Variants in PDGFRL observed in about 807,000 individuals in gnomAD.
PDGFRL encodes the protein platelet-derived growth factor receptor-like protein.
In PDGFRL, 46 loss-of-function variants were observed where a neutral mutation model predicts 37.2. The observed-to-expected ratio is 1.24, with a 90% CI of 0.98 to 1.58. PDGFRL has a LOEUF of 1.58. PDGFRL is among the 40% of genes most tolerant of loss of function. The pLI is 0.00. For missense variants in PDGFRL, 692 were observed against 467.6 expected, an observed-to-expected ratio of 1.48 and a Z score of -4.43; for synonymous variants, 251 against 184.3, an observed-to-expected ratio of 1.36 and a Z score of -2.93.
rs184412178 is a variant in PDGFRL, at chr8:17,588,667, C to T, written c.56-801C>T. 1.3e-3 allele frequency among the ~76,000 whole-genome samples: 202 copies of T among 152,198 alleles called. 2 individuals are homozygous for T. In the South Asian group the frequency reaches 0.022, roughly 16 times the overall value. On this transcript the variant is annotated intron_variant, in intron 1 of 5. Transcript: ENST00000251630. ...CAGCCTGGGTGACAGAGTGAGATTC[C>T]GTTTCTAACGTTAAACACAAAATAT... is the stretch of plus-strand genomic sequence containing the variant.
intron 2 of PDGFRL, among the ~76,000 whole-genome samples, chr8:17,613,190 G>A (rs931494433): frequency 7.9e-5 from 12 of 152,244 alleles, no homozygotes; most frequent in Middle Eastern, 3.4e-3. Flanking sequence ...ATTGTTGGGC[G>A]TATTTTAAGG....
chr8:17,585,774 A>AT (rs1364406984), intron 1 of PDGFRL, among the ~76,000 whole-genome samples: 4 of 152,132 alleles, frequency 2.6e-5, no homozygotes, highest in African/African-American at 9.7e-5. Flanking sequence ...CTTCTAATGA[A>AT]TTTATTTTCT....
intron 2 of PDGFRL, among the ~76,000 whole-genome samples, chr8:17,594,482 C>T (rs529184308): frequency 9.1e-4 from 138 of 152,230 alleles, no homozygotes; most frequent in Non-Finnish European, 1.5e-3. Context: ...CTCAACTGAT[C>T]TGTCTGCCTC....
chr8:17,584,653 T>C (rs1475310530), intron 1 of PDGFRL, among the ~76,000 whole-genome samples: 1 of 151,912 alleles, frequency 6.6e-6, no homozygotes, highest in Non-Finnish European at 1.5e-5. Flanking sequence ...TAACAGGTGT[T>C]GTGGAAAATA....
intron 1 of PDGFRL, among the ~76,000 whole-genome samples, chr8:17,582,874 A>G (rs1157407485): frequency 6.6e-6 from 1 of 152,100 alleles, no homozygotes; most frequent in African/African-American, 2.4e-5. Flanking sequence ...GGAGAATAGA[A>G]TGGTTTTGGG....
At chr8:17,633,932 C>A in intron 4 of PDGFRL, 142 bp from the exon 5 acceptor site, 1 of 848,740 alleles carries the variant, frequency 1.2e-6, no homozygotes, top group Non-Finnish European at 2.0e-6. Context: ...AAGTTGTGGG[C>A]TCACACTGTC....
intron 5 of PDGFRL, among the ~76,000 whole-genome samples, chr8:17,639,970 TC>T (rs1461713199): frequency 6.6e-6 from 1 of 152,190 alleles, no homozygotes; most frequent in Non-Finnish European, 1.5e-5. Context: ...CTTTGTTCAT[TC>T]TTTTAAATTC....
At chr8:17,585,342 C>G (rs1803792431) in intron 1 of PDGFRL, among the ~76,000 whole-genome samples, 1 of 151,974 alleles carries the variant, frequency 6.6e-6, no homozygotes, top group Non-Finnish European at 1.5e-5. Context: ...CTTATTTTAC[C>G]CAGCCCCTAT....
intron 5 of PDGFRL, among the ~76,000 whole-genome samples, chr8:17,635,785 ATTATTTTTTAATTT>A (rs1357576357): frequency 1.3e-5 from 2 of 152,124 alleles, no homozygotes; most frequent in Admixed American, 1.3e-4. Context: ...GCCAACATCG[ATTATTTTTTAATTT>A]TTAAATTATG....
In PDGFRL at chr8:17,642,772, A is replaced by G. The variant is rs1405044872; in HGVS notation, c.1099A>G (p.Thr367Ala). 3.7e-6 allele frequency: 6 copies of G among 1,609,646 alleles called. No homozygotes were observed. The highest frequency in any genetic ancestry group is 5.1e-6 in the Non-Finnish European group (6 of 1,176,324). Residue 367 changes from threonine to alanine, a missense_variant, in exon 6 of 6, where the codon ACA becomes GCA. Thr to Ala is a moderately conservative substitution (Grantham distance 58). Transcript: ENST00000251630. Reference sequence around the variant, plus strand: ...TGCTCAGAATCTTCAAGGACAGACCACAGTAGCTACCACTGTTGAGTTTTC... The same window carrying G: ...TGCTCAGAATCTTCAAGGACAGACCGCAGTAGCTACCACTGTTGAGTTTTC... ...CTAQNLQGQT[T>A]VATTVEFS
At chr8:17,619,875 C>T (rs553911340) in intron 2 of PDGFRL, among the ~76,000 whole-genome samples, 1 of 152,322 alleles carries the variant, frequency 6.6e-6, no homozygotes, top group South Asian at 2.1e-4. Context: ...TTACATTCTC[C>T]AAGAAGAGGA....
intron 2 of PDGFRL, among the ~76,000 whole-genome samples, chr8:17,602,600 G>T (rs1804189713): frequency 6.6e-6 from 1 of 152,138 alleles, no homozygotes; most frequent in Admixed American, 6.5e-5. Flanking sequence ...GCTTTGCGTG[G>T]AAAGTGGTTG....
chr8:17,608,042 T>A (rs930678635), intron 2 of PDGFRL, among the ~76,000 whole-genome samples: 2 of 152,156 alleles, frequency 1.3e-5, no homozygotes, highest in African/African-American at 4.8e-5. Flanking sequence ...CAGAACCTTC[T>A]CTTGTCACTT....
In PDGFRL at chr8:17,589,510, C is replaced by A; in HGVS notation, c.98C>A (p.Pro33Gln). Residue 33 changes from proline (P) to glutamine (Q), a missense_variant, in exon 2 of 6, where the codon CCA becomes CAA. By Grantham distance (76) the Pro-to-Gln change is moderately conservative. Coordinates refer to ENST00000251630, the MANE Select transcript of PDGFRL (RefSeq NM_001372073.1). ...CCCAAGAACAAGCGTCCAAAAGAAC[C>A]AGGAGAGAATAGAATCAAACCTACC... is the stretch of plus-strand genomic sequence containing the variant. ...HLPKNKRPKE[P>Q]GENRIKPTNK... The A allele has an allele frequency of 1.9e-6, 3 of 1,613,898 alleles. No homozygotes were observed. The highest frequency in any genetic ancestry group is 1.7e-6 in the Non-Finnish European group (2 of 1,179,818).
In PDGFRL at chr8:17,599,267, C is replaced by T. The variant is rs75898297; in HGVS notation, c.353+9502C>T. 6.1e-3 allele frequency among the ~76,000 whole-genome samples: 925 copies of T among 152,260 alleles called. 14 individuals carry two copies. Among genetic ancestry groups the T allele is most frequent in the African/African-American group, 0.021 (884 of 41,542 alleles). On this transcript the variant is annotated intron_variant, in intron 2 of 5. Transcript: ENST00000251630. ...AGCAGTATACACTGCACCATATTTG[C>T]ATATTTGTTATCTTTTATCCCTCAC...
chr8:17,632,833 C>T (rs1383775739), intron 4 of PDGFRL, among the ~76,000 whole-genome samples: 1 of 152,134 alleles, frequency 6.6e-6, no homozygotes, highest in Non-Finnish European at 1.5e-5. Context: ...TGAACATGGG[C>T]ATTCCCAGCC....
At chr8:17,586,847 T>G (rs3911909) in intron 1 of PDGFRL, among the ~76,000 whole-genome samples, 26,683 of 152,206 alleles carry the variant, frequency 0.18, 2,749 homozygotes, top group South Asian at 0.32. Context: ...ACACAGCCAG[T>G]AAGTGGCAGG....
At chr8:17,579,919 T>C (rs1437598671) in intron 1 of PDGFRL, among the ~76,000 whole-genome samples, 3 of 152,180 alleles carry the variant, frequency 2.0e-5, no homozygotes, top group Non-Finnish European at 4.4e-5. Flanking sequence ...ATGTCAATCA[T>C]AGCACCTGAT....
chr8:17,589,180 C>G (rs946911978), intron 1 of PDGFRL, among the ~76,000 whole-genome samples: 1 of 152,018 alleles, frequency 6.6e-6, no homozygotes, highest in African/African-American at 2.4e-5. Context: ...GACTTCGAGA[C>G]CAGCCTGACC....
Sources: gnomAD v4.1 joint callset for allele counts (sites outside exome capture counted in the v4.1 genomes callset) on GRCh38, gnomAD v4.1.1 for gene constraint, MANE v1.5 for transcripts, NCBI Gene and HGNC (gene_info 2026-07-23, HGNC 2026-07-21) for gene names.